DDAH1: variants seen among roughly 807,000 people sequenced by gnomAD.
DDAH1 encodes the protein N(G),N(G)-dimethylarginine dimethylaminohydrolase 1.
Under a neutral mutation model 28.8 loss-of-function variants are expected in DDAH1, and 19 were observed. The ratio of observed to expected loss-of-function variants is 0.66; its 90% CI spans 0.46 to 0.97. The LOEUF (loss-of-function observed/expected upper bound fraction) is 0.97, where lower values mean the gene tolerates loss of function less well. Ranked by LOEUF, DDAH1 falls within the 50% of genes least tolerant of loss-of-function variation. The probability of loss-of-function intolerance (pLI) is 0.00; values close to 1 mark genes in which losing one functional copy is unlikely to be tolerated. For missense variants in DDAH1, 326 were observed against 375.9 expected (o/e 0.87, Z 1.10); for synonymous variants, 153 against 154.4 (o/e 0.99, Z 0.07).
intron 1 of DDAH1, among the ~76,000 whole-genome samples, chr1:85,458,424 C>CTTTT (rs3058826): frequency 5.9e-5 from 6 of 101,756 alleles, no homozygotes; most frequent in East Asian, 2.8e-4. Flanking sequence ...TACACACACA[C>CTTTT]TTTTTTTTTT....
intron 1 of DDAH1, among the ~76,000 whole-genome samples, chr1:85,516,333 T>C (rs560739277): frequency 1.5e-5 from 2 of 135,680 alleles, no homozygotes; most frequent in Admixed American, 7.6e-5. Context: ...GTGGTATCAT[T>C]ACTCCACAAT....
intron 1 of DDAH1, among the ~76,000 whole-genome samples, chr1:85,502,735 T>G (rs1466235885): frequency 3.3e-5 from 5 of 152,130 alleles, no homozygotes; most frequent in African/African-American, 1.2e-4. Flanking sequence ...GGCCAGGCAG[T>G]TTCTCACTGA....
At chr1:85,506,497 A>G (rs190812429) in intron 1 of DDAH1, among the ~76,000 whole-genome samples, 234 of 152,314 alleles carry the variant, frequency 1.5e-3, no homozygotes, top group Middle Eastern at 0.014. Context: ...TCTCACAGCA[A>G]CACTCACCTG....
At chr1:85,566,978 G>T (rs538485640) in intron 1 of DDAH1, among the ~76,000 whole-genome samples, 14 of 152,214 alleles carry the variant, frequency 9.2e-5, no homozygotes, top group Non-Finnish European at 2.1e-4. Context: ...CAATGTGTCA[G>T]ATTGAGACTG....
chr1:85,442,801 A>T (rs1276838630), intron 1 of DDAH1, among the ~76,000 whole-genome samples: 1 of 152,058 alleles, frequency 6.6e-6, no homozygotes, highest in Non-Finnish European at 1.5e-5. Context: ...ATTTTTTCAT[A>T]TGTCTGTTGG....
intron 1 of DDAH1, among the ~76,000 whole-genome samples, chr1:85,537,862 A>T (rs1162500591): frequency 6.6e-6 from 1 of 151,714 alleles, no homozygotes; most frequent in Non-Finnish European, 1.5e-5. Flanking sequence ...AAGTTATTAA[A>T]ATCATTATAA....
chr1:85,522,383 A>G lies in DDAH1; in HGVS notation c.-122-26102T>C, dbSNP rs543960412. On this transcript the variant is annotated intron_variant, in intron 1 of 6. Coordinates refer to the DDAH1 transcript ENST00000426972. ...CACTCAGTACATTTATTTATTCTAA[A>G]TGGAAAAGTACAAATATTGGGATAA... is the stretch of plus-strand genomic sequence containing the variant. Among the ~76,000 whole-genome samples, 4 of 109,854 alleles carry G rather than the reference A, an allele frequency of 3.6e-5. No homozygotes were observed. The South Asian group carries it at 1.5e-3, about 40-fold the overall frequency. 72.1% of individuals were successfully genotyped at this position (109,854 alleles called of 152,430 possible).
intron 1 of DDAH1, among the ~76,000 whole-genome samples, chr1:85,401,612 A>C (rs940148653): frequency 6.8e-6 from 1 of 146,696 alleles, no homozygotes; most frequent in Non-Finnish European, 1.5e-5. Flanking sequence ...CAATCCTCCC[A>C]TCTCAGCCTC....
At chr1:85,527,610 C>T (rs566925749) in intron 1 of DDAH1, among the ~76,000 whole-genome samples, 1 of 152,294 alleles carries the variant, frequency 6.6e-6, no homozygotes. Flanking sequence ...TTCTGTGCAT[C>T]ACACAGACTG....
chr1:85,367,716 T>A lies in DDAH1; in HGVS notation c.304-8869A>T, dbSNP rs182799611. ...GTCTGTTGAGAGGTTCCTGGAGCCA[T>A]AGAAAGAAACATAATTCCTCTTCTT... On this transcript the variant is annotated intron_variant, in intron 1 of 5. Coordinates refer to ENST00000284031, the MANE Select transcript of DDAH1 (RefSeq NM_012137.4). Among the ~76,000 whole-genome samples the A allele has an allele frequency of 6.6e-5, 10 of 152,202 alleles. No individual in the cohort carries two copies. In the East Asian group the frequency reaches 1.9e-3, roughly 29 times the overall value.
intron 4 of DDAH1, among the ~76,000 whole-genome samples, chr1:85,342,438 A>T (rs1197393138): frequency 6.6e-6 from 1 of 151,616 alleles, no homozygotes; most frequent in African/African-American, 2.4e-5. Flanking sequence ...TGGGAATATG[A>T]GTCAAATGCA....
At chr1:85,458,034 AACAG>A (rs1654974461) in intron 1 of DDAH1, among the ~76,000 whole-genome samples, 1 of 152,194 alleles carries the variant, frequency 6.6e-6, no homozygotes, top group Non-Finnish European at 1.5e-5. Flanking sequence ...CACATATTCA[AACAG>A]AGGAAAATGC....
chr1:85,464,865 G>C lies in DDAH1; in HGVS notation c.181C>G (p.Gln61Glu). ...TCGTCGGCCGGCAGCTCCACCACCT[G>C]CAGCCCCAGCTTGCTGCCCAGCACG... ...VGVLGSKLGL[Q>E]VVELPADESL... The change falls in exon 1 of 6, where the codon CAG becomes GAG. Residue 61 changes from glutamine to glutamate, a missense_variant. Coordinates refer to ENST00000284031, the MANE Select transcript of DDAH1 (RefSeq NM_012137.4). This position sits in a 1 kb window ranked among gnomAD's most constrained non-coding sequence, Gnocchi z 4.4. The C allele has an allele frequency of 6.3e-7, 1 of 1,585,300 alleles. No individual in the cohort carries two copies. Among genetic ancestry groups the C allele is most frequent in the Non-Finnish European group, 8.5e-7 (1 of 1,174,252 alleles).
chr1:85,512,774 C>T (rs1367038425), intron 1 of DDAH1, among the ~76,000 whole-genome samples: 1 of 152,080 alleles, frequency 6.6e-6, no homozygotes, highest in African/African-American at 2.4e-5. Flanking sequence ...AATAAAATAC[C>T]TAGGAATCCA....
chr1:85,403,252 C>T (rs1443439635), intron 1 of DDAH1, among the ~76,000 whole-genome samples: 1 of 150,240 alleles, frequency 6.7e-6, no homozygotes, highest in African/African-American at 2.5e-5. Context: ...TATACACACA[C>T]ACATGCATGT....
rs1178725685 is a variant in DDAH1 at position 85,506,340 on chromosome 1, C to T, written c.-122-10059G>A. On this transcript the variant is annotated intron_variant, in intron 1 of 6. Transcript: ENST00000426972. ...TAAGTCCCATGGGTTATCACAGAATCATACTCTGCAGTCACAATTTTTTCA... is the reference window on the plus strand; with the variant it reads ...TAAGTCCCATGGGTTATCACAGAATTATACTCTGCAGTCACAATTTTTTCA... 5.3e-5 allele frequency among the ~76,000 whole-genome samples: 8 copies of T among 152,262 alleles called. No individual in the cohort carries two copies. The East Asian group carries it at 1.2e-3, about 22-fold the overall frequency.
intron 1 of DDAH1, chr1:85,577,869 G>T: frequency 3.0e-6 from 2 of 664,432 alleles, no homozygotes; most frequent in Non-Finnish European, 3.7e-6. Context: ...GCAATCCAAG[G>T]CAGCCCAAGG....
chr1:85,377,709 C>T (rs1245850839), intron 1 of DDAH1, among the ~76,000 whole-genome samples: 1 of 150,450 alleles, frequency 6.6e-6, no homozygotes, highest in East Asian at 2.0e-4. Flanking sequence ...TTCTCCCCCT[C>T]ATCCCCCCAC....
chr1:85,361,646 C>A (rs1649804256), intron 1 of DDAH1, among the ~76,000 whole-genome samples: 1 of 152,172 alleles, frequency 6.6e-6, no homozygotes, highest in African/African-American at 2.4e-5. Context: ...TTCTTCCCTC[C>A]CTTTTCATGC....
Sources: gnomAD v4.1 joint callset for allele counts (sites outside exome capture counted in the v4.1 genomes callset) on GRCh38, gnomAD v4.1.1 for gene constraint, Gnocchi (gnomAD v3.1) non-coding constraint, MANE v1.5 for transcripts, NCBI Gene and HGNC (gene_info 2026-07-23, HGNC 2026-07-21) for gene names.